ANO4: variants seen among roughly 807,000 people sequenced by gnomAD.
The protein encoded by ANO4 is anoctamin 4, also known as anoctamin-4.
A neutral mutation model predicts 141.9 loss-of-function variants in ANO4; 69 were observed. The observed-to-expected ratio is 0.49, with a 90% CI of 0.40 to 0.59. The LOEUF (loss-of-function observed/expected upper bound fraction) is 0.59, where lower values mean the gene tolerates loss of function less well. Ranked by LOEUF, ANO4 falls within the 20% of genes least tolerant of loss-of-function variation. ANO4 has a pLI of 0.00. For missense variants in ANO4, 894 were observed against 1,162.2 expected (o/e 0.77, Z 3.36); for synonymous variants, 350 against 394.3 (o/e 0.89, Z 1.33).
At chr12:100,865,994 C>G (rs931490625) in intron 1 of ANO4, among the ~76,000 whole-genome samples, 4 of 152,180 alleles carry the variant, frequency 2.6e-5, no homozygotes, top group Non-Finnish European at 2.9e-5. Context: ...CTTAGCTTTC[C>G]TGTCTTCTAC....
At chr12:100,902,340 A>C (rs1424573664) in intron 2 of ANO4, among the ~76,000 whole-genome samples, 5 of 152,194 alleles carry the variant, frequency 3.3e-5, no homozygotes, top group African/African-American at 1.2e-4. Flanking sequence ...ATCTCTTTAA[A>C]ATATTAAAAT....
rs199759578 is a variant in ANO4, at chr12:101,064,663, T to TATAATA, written c.1313-14501_1313-14496dup. 8.8e-3 allele frequency among the ~76,000 whole-genome samples: 1,144 copies of TATAATA among 130,156 alleles called. 4 individuals are homozygous for TATAATA. The highest frequency in any genetic ancestry group is 0.012 in the African/African-American group (435 of 36,746). 85.4% of individuals were successfully genotyped at this position (130,156 alleles called of 152,430 possible). Reference sequence around the variant, plus strand: ...ACATGTATCCCAGAACTTAAAGTATTATAATAATAATAATAATAATAATAA... The same window carrying TATAATA: ...ACATGTATCCCAGAACTTAAAGTATTATAATAATAATAATAATAATAATAATAATAA... On this transcript the variant is annotated intron_variant, in intron 14 of 27. Coordinates refer to ENST00000392977, the MANE Select transcript of ANO4 (RefSeq NM_001286615.2).
rs1390271266 is a variant in ANO4, at chr12:101,005,758, G to T, written c.735-14276G>T. On this transcript the variant is annotated intron_variant, in intron 8 of 27. Coordinates refer to ENST00000392977, the MANE Select transcript of ANO4 (RefSeq NM_001286615.2). ...ATAAATAGATAATTTTAGTATATGT[G>T]AATTCTATAAATGCTGATTTTCATG... Among the ~76,000 whole-genome samples, 4 of 152,130 alleles carry T rather than the reference G, an allele frequency of 2.6e-5. No individual in the cohort carries two copies. In the East Asian group the frequency reaches 7.7e-4, roughly 29 times the overall value.
At chr12:100,825,904 T>C (rs779941166) in intron 1 of ANO4, among the ~76,000 whole-genome samples, 5 of 152,124 alleles carry the variant, frequency 3.3e-5, no homozygotes, top group Non-Finnish European at 4.4e-5. Context: ...ATATGTTAGC[T>C]ATTAATTTTT....
At position 100,843,262 on chromosome 12, in the gene ANO4, A is replaced by G. The variant is rs555956092; in HGVS notation, c.-141+48235A>G. Among the ~76,000 whole-genome samples, 30 of 152,334 alleles carry G rather than the reference A, an allele frequency of 2.0e-4. No individual in the cohort carries two copies. The South Asian group carries it at 6.0e-3, about 31-fold the overall frequency. ...ATTGCTAGTGGTTACCATAATCATT[A>G]TCAGCATCAATATCATGATTCTGAG... On this transcript the variant is annotated intron_variant, in intron 1 of 27. Transcript: ENST00000392977.
intron 5 of ANO4, among the ~76,000 whole-genome samples, chr12:100,955,334 A>G (rs900260618): frequency 4.6e-5 from 7 of 152,298 alleles, no homozygotes; most frequent in East Asian, 1.9e-4. Context: ...GCTGACTCAC[A>G]TGGCTGGAAT....
intron 19 of ANO4, 105 bp downstream of exon 19, chr12:101,096,752 A>T: frequency 1.2e-6 from 1 of 842,804 alleles, no homozygotes; most frequent in African/African-American, 1.7e-5. Context: ...ATTTATACAA[A>T]GTGTAAAAAG....
At chr12:100,833,076 A>G (rs1447145720) in intron 1 of ANO4, among the ~76,000 whole-genome samples, 1 of 152,122 alleles carries the variant, frequency 6.6e-6, no homozygotes. Flanking sequence ...CGTATTTGTG[A>G]ACACTAGAAC....
intron 2 of ANO4, 78 bp from the exon 3 acceptor site, chr12:100,922,148 A>G: frequency 1.9e-6 from 2 of 1,032,110 alleles, no homozygotes; most frequent in Non-Finnish European, 2.6e-6. Context: ...GGATTTTGAC[A>G]TAGCTTCTCC....
chr12:100,920,683 C>A (rs2136100371), intron 2 of ANO4, among the ~76,000 whole-genome samples: 1 of 152,274 alleles, frequency 6.6e-6, no homozygotes, highest in Middle Eastern at 3.4e-3. Flanking sequence ...AAGTTCACTG[C>A]TGTGGCTGGA....
chr12:100,858,562 CCTT>C (rs1479847662), intron 1 of ANO4, among the ~76,000 whole-genome samples: 16 of 152,164 alleles, frequency 1.1e-4, no homozygotes, highest in East Asian at 7.7e-4. Context: ...TTAAAAAAAT[CCTT>C]CTTGATTTCT....
At chr12:101,096,671 C>G in intron 19 of ANO4, 24 bp downstream of exon 19, 1 of 1,557,452 alleles carries the variant, frequency 6.4e-7, no homozygotes, top group Non-Finnish European at 8.9e-7. Flanking sequence ...CCCTGCACAC[C>G]TCCCCAAGCT....
intron 6 of ANO4, among the ~76,000 whole-genome samples, chr12:100,974,083 G>A (rs1386155667): frequency 6.6e-6 from 1 of 152,084 alleles, no homozygotes; most frequent in Non-Finnish European, 1.5e-5. Context: ...TGGAAAGTGA[G>A]GTTGCATTTT....
At chr12:100,808,835 C>T (rs374056928) in intron 1 of ANO4, among the ~76,000 whole-genome samples, 3 of 152,148 alleles carry the variant, frequency 2.0e-5, no homozygotes, top group Admixed American at 6.5e-5. Flanking sequence ...ACTATAAAAA[C>T]GTATTTGTTT....
chr12:101,104,625 G>GTGTA (rs1180565782), intron 22 of ANO4, among the ~76,000 whole-genome samples: 16 of 52,810 alleles, frequency 3.0e-4, no homozygotes, highest in Admixed American at 2.0e-4. Flanking sequence ...GTATGTATGT[G>GTGTA]TGTATATATA....
At chr12:100,931,491 A>G (rs1393532866) in intron 3 of ANO4, among the ~76,000 whole-genome samples, 2 of 152,190 alleles carry the variant, frequency 1.3e-5, no homozygotes, top group East Asian at 3.9e-4. Flanking sequence ...GTCTGAATTG[A>G]ATGAAAATTC....
intron 8 of ANO4, among the ~76,000 whole-genome samples, chr12:101,013,087 A>G (rs781429947): frequency 6.0e-4 from 92 of 152,334 alleles, no homozygotes; most frequent in Non-Finnish European, 1.1e-3. Flanking sequence ...CATTTAAAAC[A>G]TAACTACCAT....
At chr12:100,849,731 A>G (rs953332065) in intron 1 of ANO4, among the ~76,000 whole-genome samples, 1 of 152,294 alleles carries the variant, frequency 6.6e-6, no homozygotes, top group South Asian at 2.1e-4. Context: ...ATGCACATGT[A>G]TATGTAGGAA....
chr12:100,725,642 G>A lies in ANO4; in HGVS notation c.22+8095G>A, dbSNP rs868076697. ...ATTATAGGCATGAGCCACCACACCCGGCCGGAAATTGCTATCTTAACTGTC... is the reference window on the plus strand; with the variant it reads ...ATTATAGGCATGAGCCACCACACCCAGCCGGAAATTGCTATCTTAACTGTC... On this transcript the variant is annotated intron_variant, in intron 1 of 29. Coordinates refer to the ANO4 transcript ENST00000644049. Among the ~76,000 whole-genome samples the A allele has an allele frequency of 5.9e-5, 9 of 152,194 alleles. No homozygotes were observed. The South Asian group carries it at 1.2e-3, about 21-fold the overall frequency.
Sources: allele counts gnomAD v4.1 joint callset (sites outside exome capture counted in the v4.1 genomes callset), GRCh38; gene constraint gnomAD v4.1.1; transcripts MANE v1.5; gene names NCBI Gene and HGNC (gene_info 2026-07-23, HGNC 2026-07-21).